Variants in ACBD6 observed in about 807,000 individuals in gnomAD.
The protein encoded by ACBD6 is acyl-CoA binding domain containing 6.
A neutral mutation model predicts 37.2 loss-of-function variants in ACBD6; 28 were observed. That is an observed-to-expected ratio of 0.75 (90% CI 0.56 to 1.03). The LOEUF (loss-of-function observed/expected upper bound fraction) is 1.03. Ranked by LOEUF, ACBD6 falls within the 50% of genes least tolerant of loss-of-function variation. ACBD6 has a pLI of 0.00. For missense variants in ACBD6, 340 were observed against 337.4 expected, an observed-to-expected ratio of 1.01 and a Z score of -0.06; for synonymous variants, 113 against 126.8, an observed-to-expected ratio of 0.89 and a Z score of 0.73.
intron 3 of ACBD6, among the ~76,000 whole-genome samples, chr1:180,478,747 G>A (rs544777812): frequency 6.6e-6 from 1 of 152,214 alleles, no homozygotes; most frequent in East Asian, 1.9e-4. Flanking sequence ...GCCTCCCAAA[G>A]TGCTGGGATT....
intron 3 of ACBD6, among the ~76,000 whole-genome samples, chr1:180,490,261 C>A (rs1651441361): frequency 6.6e-6 from 1 of 152,140 alleles, no homozygotes; most frequent in African/African-American, 2.4e-5. Context: ...AGATTTTAAG[C>A]CCTCAGAACC....
chr1:180,333,735 C>T (rs1047768718), intron 6 of ACBD6, among the ~76,000 whole-genome samples: 15 of 152,302 alleles, frequency 9.8e-5, no homozygotes, highest in South Asian at 2.1e-4. Context: ...ACCCGGGAAG[C>T]GCAAGGGGTC....
intron 13 of ACBD6, among the ~76,000 whole-genome samples, chr1:180,272,244 G>A (rs1648715950): frequency 6.6e-6 from 1 of 152,146 alleles, no homozygotes; most frequent in African/African-American, 2.4e-5. Flanking sequence ...GCCCCGTCCT[G>A]TGGCCCCAAG....
chr1:180,457,597 G>C (rs1649973566), intron 3 of ACBD6, among the ~76,000 whole-genome samples: 1 of 152,016 alleles, frequency 6.6e-6, no homozygotes, highest in Admixed American at 6.6e-5. Context: ...TACAATCAAA[G>C]GGCAGAGAAA....
intron 3 of ACBD6, among the ~76,000 whole-genome samples, chr1:180,455,992 CCT>C (rs1649903704): frequency 6.6e-6 from 1 of 152,058 alleles, no homozygotes; most frequent in East Asian, 1.9e-4. Flanking sequence ...GGGCGGATCA[CCT>C]GAGGTCAGGA....
At chr1:180,489,645 G>T (rs1380810672) in intron 3 of ACBD6, among the ~76,000 whole-genome samples, 2 of 150,796 alleles carry the variant, frequency 1.3e-5, no homozygotes, top group African/African-American at 2.4e-5. Flanking sequence ...CTCAACACCT[G>T]TTTGGAATCT....
At chr1:180,320,998 C>T (rs1396133369) in intron 6 of ACBD6, among the ~76,000 whole-genome samples, 2 of 152,106 alleles carry the variant, frequency 1.3e-5, no homozygotes, top group Non-Finnish European at 2.9e-5. Context: ...TAGTTTCATT[C>T]TTCTGCATAC....
intron 3 of ACBD6, among the ~76,000 whole-genome samples, chr1:180,430,942 TCAAAGTG>T (rs1327985501): frequency 6.6e-6 from 1 of 152,114 alleles, no homozygotes; most frequent in Non-Finnish European, 1.5e-5. Context: ...TCTGCAAGGA[TCAAAGTG>T]CAACCTCTGC....
rs903195719 is a variant in ACBD6 at position 180,320,088 on chromosome 1, TC to T, written c.664-5367del. 4.5e-4 allele frequency among the ~76,000 whole-genome samples: 69 copies of T among 152,332 alleles called. 1 individual carries two copies. Among genetic ancestry groups the T allele is most frequent in the African/African-American group, 1.7e-3 (69 of 41,580 alleles). ...TGTTTGAGAAACCTCCAAACGGTTCTCCATAGTGGCTGTACTAATTTACATT... is the reference window on the plus strand; with the variant it reads ...TGTTTGAGAAACCTCCAAACGGTTCTCATAGTGGCTGTACTAATTTACATT... On this transcript the variant is annotated intron_variant, in intron 6 of 7. Transcript: ENST00000367595.
At chr1:180,364,799 T>C (rs1009669048) in intron 6 of ACBD6, among the ~76,000 whole-genome samples, 2 of 150,658 alleles carry the variant, frequency 1.3e-5, no homozygotes, top group African/African-American at 4.9e-5. Flanking sequence ...AGTAGCGCGA[T>C]CTTGGCTCAC....
At chr1:180,477,667 G>A (rs555692437) in intron 3 of ACBD6, among the ~76,000 whole-genome samples, 1 of 151,816 alleles carries the variant, frequency 6.6e-6, no homozygotes, top group African/African-American at 2.4e-5. Context: ...ATACACACAG[G>A]TTACTTTTTT....
intron 3 of ACBD6, among the ~76,000 whole-genome samples, chr1:180,438,797 C>T (rs1234901387): frequency 6.6e-6 from 1 of 152,114 alleles, no homozygotes; most frequent in Non-Finnish European, 1.5e-5. Context: ...TTAGGGTTCA[C>T]TCTTGTATTG....
chr1:180,369,075 C>T (rs1558269337), intron 6 of ACBD6, among the ~76,000 whole-genome samples: 1 of 152,144 alleles, frequency 6.6e-6, no homozygotes, highest in Admixed American at 6.5e-5. Context: ...GAAGAATGTT[C>T]AAAGGAAGAA....
At chr1:180,314,786 A>G in intron 6 of ACBD6, 64 bp from the exon 7 acceptor site, 1 of 1,238,538 alleles carries the variant, frequency 8.1e-7, no homozygotes, top group Non-Finnish European at 1.2e-6. Flanking sequence ...GAAAGTACAT[A>G]AACTGTAGCA....
At chr1:180,328,290 T>C (rs1651333484) in intron 6 of ACBD6, among the ~76,000 whole-genome samples, 1 of 151,878 alleles carries the variant, frequency 6.6e-6, no homozygotes, top group African/African-American at 2.4e-5. Flanking sequence ...TGTATATATA[T>C]GTACACACAC....
chr1:180,501,905 C>CA (rs5779061), intron 1 of ACBD6, 140 bp downstream of exon 1: 76,657 of 554,370 alleles, frequency 0.14, 347 homozygotes, highest in South Asian at 0.17. Flanking sequence ...AGCAGATGGT[C>CA]AAAAAAAAAA....
At chr1:180,447,662 T>C (rs547172280) in intron 3 of ACBD6, among the ~76,000 whole-genome samples, 124 of 152,272 alleles carry the variant, frequency 8.1e-4, no homozygotes, top group African/African-American at 2.8e-3. Context: ...GATCAAAATT[T>C]AGATTTTCTT....
intron 3 of ACBD6, among the ~76,000 whole-genome samples, chr1:180,489,624 T>A (rs1347914970): frequency 6.6e-6 from 1 of 151,768 alleles, no homozygotes; most frequent in Admixed American, 6.6e-5. Flanking sequence ...TAGACATTTT[T>A]AAAAACCATC....
At chr1:180,325,445 T>C (rs984697764) in intron 6 of ACBD6, among the ~76,000 whole-genome samples, 2 of 152,184 alleles carry the variant, frequency 1.3e-5, no homozygotes, top group African/African-American at 4.8e-5. Context: ...CTCTTTTTTA[T>C]ATTTATATGA....
Sources: allele counts gnomAD v4.1 joint callset (sites outside exome capture counted in the v4.1 genomes callset), GRCh38; gene constraint gnomAD v4.1.1; transcripts MANE v1.5; gene names NCBI Gene and HGNC (gene_info 2026-07-23, HGNC 2026-07-21).